Variants in CBFB observed in about 807,000 individuals in gnomAD.
The protein encoded by CBFB is core-binding factor subunit beta, also known as CBF-beta.
In CBFB, 9 loss-of-function variants were observed where a neutral mutation model predicts 30.4. The ratio of observed to expected loss-of-function variants is 0.30; its 90% CI spans 0.18 to 0.52. The LOEUF is 0.52. Ranked by LOEUF, CBFB falls within the 20% of genes least tolerant of loss-of-function variation. The pLI is 0.97. For synonymous variants in CBFB, 94 were observed against 84.0 expected (o/e 1.12, Z -0.65); for missense variants, 170 against 244.0 (o/e 0.70, Z 2.02).
intron 5 of CBFB, among the ~76,000 whole-genome samples, chr16:67,088,084 C>T (rs1455611506): frequency 1.3e-5 from 2 of 152,152 alleles, no homozygotes; most frequent in Non-Finnish European, 2.9e-5. Flanking sequence ...CCTGTAGTCC[C>T]TTATGGCAGT....
intron 3 of CBFB, among the ~76,000 whole-genome samples, chr16:67,047,253 T>C (rs1296191751): frequency 6.6e-6 from 1 of 152,036 alleles, no homozygotes; most frequent in Non-Finnish European, 1.5e-5. Context: ...CCATTTGAAA[T>C]GTCTTCAATG....
chr16:67,050,407 T>G (rs1966719021), intron 3 of CBFB, among the ~76,000 whole-genome samples: 1 of 151,794 alleles, frequency 6.6e-6, no homozygotes, highest in Non-Finnish European at 1.5e-5. Context: ...ATATATGTGC[T>G]GTTTTTTTCC....
At chr16:67,068,012 A>G (rs985314574) in intron 4 of CBFB, among the ~76,000 whole-genome samples, 8 of 152,212 alleles carry the variant, frequency 5.3e-5, no homozygotes, top group Admixed American at 5.2e-4. Context: ...GGATGAACAC[A>G]AGGTAGACTG....
At position 67,048,676 on chromosome 16, in the gene CBFB, G is replaced by A. The variant is rs533215177; in HGVS notation, c.282+11921G>A. Among the ~76,000 whole-genome samples the A allele has an allele frequency of 4.6e-5, 7 of 151,812 alleles. No individual in the cohort carries two copies. The East Asian group carries it at 7.8e-4, about 17-fold the overall frequency. On this transcript the variant is annotated intron_variant, in intron 3 of 5. Coordinates refer to ENST00000412916, the MANE Select transcript of CBFB (RefSeq NM_022845.3). ...TGCCATTCTACTGCCTCAGCCTCCCGAGTAGCTGGGACTACAGGAGCCCGC... is the reference window on the plus strand; with the variant it reads ...TGCCATTCTACTGCCTCAGCCTCCCAAGTAGCTGGGACTACAGGAGCCCGC...
At chr16:67,066,604 T>C (rs932587552) in intron 3 of CBFB, 78 bp from the exon 4 acceptor site, 3 of 741,668 alleles carry the variant, frequency 4.0e-6, no homozygotes, top group Non-Finnish European at 7.0e-6. Flanking sequence ...TCTACAGAGT[T>C]TATATAAGTA....
chr16:67,099,049 G>T lies in CBFB; in HGVS notation c.*271G>T. On this transcript the variant is annotated 3_prime_UTR_variant, in exon 6 of 6. Transcript: ENST00000412916. ...CTTGTTGGCATTATTTTAGGGAGTT[G>T]AAACTATCAACTGTAAAGCTCCTTT... 1 of 358,264 alleles carries T rather than the reference G, an allele frequency of 2.8e-6. No individual in the cohort carries two copies. Among genetic ancestry groups the T allele is most frequent in the Non-Finnish European group, 5.0e-6 (1 of 200,582 alleles). The allele number at this position is 358,264 out of a possible 1,614,324, so 22.2% of individuals were successfully genotyped here.
intron 3 of CBFB, among the ~76,000 whole-genome samples, chr16:67,046,472 G>A (rs781414916): frequency 2.0e-5 from 3 of 152,068 alleles, no homozygotes; most frequent in Non-Finnish European, 2.9e-5. Flanking sequence ...TAATTTCTTT[G>A]TAGCACTGCT....
At chr16:67,079,869 A>G (rs1447402570) in intron 4 of CBFB, among the ~76,000 whole-genome samples, 1 of 152,164 alleles carries the variant, frequency 6.6e-6, no homozygotes, top group East Asian at 1.9e-4. Context: ...TATTCTGGCC[A>G]GACACAGTGG....
intron 5 of CBFB, among the ~76,000 whole-genome samples, chr16:67,089,214 T>TA (rs1961815448): frequency 6.6e-6 from 1 of 152,186 alleles, no homozygotes; most frequent in African/African-American, 2.4e-5. Flanking sequence ...TTGTCATTGA[T>TA]ATACATTAAA....
At chr16:67,058,686 T>C (rs908744854) in intron 3 of CBFB, among the ~76,000 whole-genome samples, 2 of 152,326 alleles carry the variant, frequency 1.3e-5, no homozygotes, top group African/African-American at 4.8e-5. Flanking sequence ...AAATTCTAGA[T>C]TCTAGCTGTT....
At chr16:67,034,264 CT>C (rs1484550076) in intron 2 of CBFB, among the ~76,000 whole-genome samples, 1 of 152,142 alleles carries the variant, frequency 6.6e-6, no homozygotes, top group Admixed American at 6.5e-5. Context: ...ATTTCTAATT[CT>C]AAAGATTGAA....
chr16:67,061,943 A>G (rs1385227686), intron 3 of CBFB, among the ~76,000 whole-genome samples: 13 of 151,838 alleles, frequency 8.6e-5, no homozygotes, highest in Non-Finnish European at 1.6e-4. Flanking sequence ...GAGGCAGGAG[A>G]ATCCTTTGAA....
chr16:67,052,683 C>G (rs999387233), intron 3 of CBFB, among the ~76,000 whole-genome samples: 2 of 151,796 alleles, frequency 1.3e-5, no homozygotes, highest in Non-Finnish European at 2.9e-5. Flanking sequence ...CACAGTTGGC[C>G]AGGTATGGTG....
chr16:67,040,199 A>C (rs1966506405), intron 3 of CBFB, among the ~76,000 whole-genome samples: 1 of 152,176 alleles, frequency 6.6e-6, no homozygotes, highest in Non-Finnish European at 1.5e-5. Flanking sequence ...CTGTCCCCAC[A>C]GGACTAGGAC....
At chr16:67,092,364 C>A (rs1254029110) in intron 5 of CBFB, among the ~76,000 whole-genome samples, 1 of 152,088 alleles carries the variant, frequency 6.6e-6, no homozygotes, top group Non-Finnish European at 1.5e-5. Flanking sequence ...GTGTCTCCTC[C>A]AGACTTAGCA....
intron 2 of CBFB, among the ~76,000 whole-genome samples, chr16:67,034,266 A>G (rs895977708): frequency 9.9e-5 from 15 of 152,216 alleles, no homozygotes; most frequent in African/African-American, 3.1e-4. Context: ...TTCTAATTCT[A>G]AAGATTGAAT....
In CBFB at chr16:67,100,244, T is replaced by C. The variant is rs1402285353; in HGVS notation, c.*1466T>C. On this transcript the variant is annotated 3_prime_UTR_variant, in exon 6 of 6. Transcript: ENST00000412916. ...AAACTGACACAGTCAATTCAGAAAA[T>C]GGACTGAAGTCTGAATAAGGTCATT... 8 of 218,806 alleles carry C rather than the reference T, an allele frequency of 3.7e-5. No individual in the cohort carries two copies. The highest frequency in any genetic ancestry group is 5.5e-5 in the Non-Finnish European group (6 of 108,858). 13.6% of individuals were successfully genotyped at this position (218,806 alleles called of 1,614,324 possible).
At chr16:67,064,922 A>G (rs1961011266) in intron 3 of CBFB, among the ~76,000 whole-genome samples, 1 of 151,728 alleles carries the variant, frequency 6.6e-6, no homozygotes, top group Non-Finnish European at 1.5e-5. Context: ...TGTTTGAGAC[A>G]AGTCTCACTC....
chr16:67,044,447 TTAA>T (rs1458924120), intron 3 of CBFB, among the ~76,000 whole-genome samples: 1 of 152,222 alleles, frequency 6.6e-6, no homozygotes, highest in Non-Finnish European at 1.5e-5. Flanking sequence ...GTCAAATACA[TTAA>T]TGTCAGACAT....
Sources: allele counts gnomAD v4.1 joint callset (sites outside exome capture counted in the v4.1 genomes callset), GRCh38; gene constraint gnomAD v4.1.1; transcripts MANE v1.5; gene names NCBI Gene and HGNC (gene_info 2026-07-23, HGNC 2026-07-21).